Variants in SUGCT observed in about 807,000 individuals in gnomAD.
SUGCT encodes the protein succinyl-CoA:glutarate CoA-transferase.
Under a neutral mutation model 55.0 loss-of-function variants are expected in SUGCT, and 41 were observed. The ratio of observed to expected loss-of-function variants is 0.74; its 90% CI spans 0.58 to 0.97. The LOEUF is 0.97. SUGCT is among the 50% of genes least tolerant of loss of function. The probability of loss-of-function intolerance (pLI) is 0.00; values close to 1 mark genes in which losing one functional copy is unlikely to be tolerated. For missense variants in SUGCT, 568 were observed against 547.8 expected (o/e 1.04, Z -0.37); for synonymous variants, 187 against 200.4 (o/e 0.93, Z 0.56).
intron 9 of SUGCT, among the ~76,000 whole-genome samples, chr7:40,378,186 C>T (rs1784698996): frequency 6.6e-6 from 1 of 151,440 alleles, no homozygotes; most frequent in Non-Finnish European, 1.5e-5. Flanking sequence ...ACTTCTCAAT[C>T]CCCTGTCCTC....
Position 40,271,638 on chromosome 7 carries a change from A to G in SUGCT, c.577-2875A>G, listed in dbSNP as rs112991303. Among the ~76,000 whole-genome samples the G allele has an allele frequency of 6.2e-3, 942 of 152,230 alleles. 7 individuals carry two copies. Among genetic ancestry groups the G allele is most frequent in the African/African-American group, 0.021 (890 of 41,552 alleles). Reference sequence around the variant, plus strand: ...ATATAATCAGATCAGGGCTGTTGATATACCCATCATCACCTTAAATATTTA... The same window carrying G: ...ATATAATCAGATCAGGGCTGTTGATGTACCCATCATCACCTTAAATATTTA... On this transcript the variant is annotated intron_variant, in intron 7 of 13. Coordinates refer to ENST00000335693, the MANE Select transcript of SUGCT (RefSeq NM_001193313.2).
chr7:40,749,797 G>A (rs1787916812), intron 13 of SUGCT, among the ~76,000 whole-genome samples: 1 of 152,122 alleles, frequency 6.6e-6, no homozygotes, highest in African/African-American at 2.4e-5. Flanking sequence ...TTATCAACAG[G>A]TTGATAGTAA....
rs1386229829 is a variant in SUGCT, at chr7:40,562,140, A to C, written c.1089+65754A>C. 4.0e-5 allele frequency among the ~76,000 whole-genome samples: 6 copies of C among 151,732 alleles called. No homozygotes were observed. In the East Asian group the frequency reaches 1.2e-3, roughly 30 times the overall value. ...TGGTGAAACCCCGTCTCTACTAAAA[A>C]TACAAAAAATTAGCCGGGTGTGGTG... On this transcript the variant is annotated intron_variant, in intron 12 of 13. Transcript: ENST00000335693.
intron 9 of SUGCT, among the ~76,000 whole-genome samples, chr7:40,338,279 A>G (rs1397353868): frequency 1.3e-5 from 2 of 152,034 alleles, no homozygotes; most frequent in Non-Finnish European, 2.9e-5. Flanking sequence ...TATTTCCTGA[A>G]TTTGAATGTT....
chr7:41,009,089 C>A, the SUGCT span, among the ~76,000 whole-genome samples: 2 of 151,826 alleles, frequency 1.3e-5, no homozygotes, highest in Non-Finnish European at 2.9e-5. Flanking sequence ...GTGGATCATG[C>A]CTTAATCCCA....
At chr7:40,458,186 A>G (rs1047834612) in intron 10 of SUGCT, among the ~76,000 whole-genome samples, 1 of 152,256 alleles carries the variant, frequency 6.6e-6, no homozygotes, top group African/African-American at 2.4e-5. Context: ...ATTTATATTG[A>G]AAGTAAATAT....
At chr7:40,797,485 T>A (rs1421129637) in intron 13 of SUGCT, among the ~76,000 whole-genome samples, 1 of 152,186 alleles carries the variant, frequency 6.6e-6, no homozygotes, top group Non-Finnish European at 1.5e-5. Context: ...GAAATGACAG[T>A]CATCCTAGGC....
chr7:40,499,266 G>C, intron 12 of SUGCT: 1 of 301,046 alleles, frequency 3.3e-6, no homozygotes, highest in Non-Finnish European at 6.8e-6. Flanking sequence ...AACAACAAAA[G>C]CCAGGATTGG....
At chr7:40,920,994 G>T in the SUGCT span, among the ~76,000 whole-genome samples, 1 of 152,158 alleles carries the variant, frequency 6.6e-6, no homozygotes, top group Non-Finnish European at 1.5e-5. Flanking sequence ...GAAGTGGACA[G>T]GTTGGTGTTG....
intron 6 of SUGCT, among the ~76,000 whole-genome samples, chr7:40,234,666 C>T (rs1400860440): frequency 2.6e-5 from 4 of 151,994 alleles, no homozygotes; most frequent in Admixed American, 6.6e-5. Context: ...CTCAGCACTT[C>T]GGGAGACTGA....
rs137852862 is a variant in SUGCT, at chr7:40,188,569, C to T, written c.301C>T (p.Arg101Ter). The T allele has an allele frequency of 2.2e-4, 356 of 1,598,356 alleles. No homozygotes were observed. Among genetic ancestry groups the T allele is most frequent in the South Asian group, 7.2e-4 (62 of 86,366 alleles). The change falls in exon 4 of 14, where the codon CGA (arginine) becomes TGA (stop). Residue 101 changes from arginine (R) to a stop codon, truncating the protein, a stop_gained. Coordinates refer to ENST00000335693, the MANE Select transcript of SUGCT (RefSeq NM_001193313.2). LOFTEE classifies it high-confidence loss of function. Reference sequence around the variant, plus strand: ...AAGTACATATTATCTCAGTGTTAACCGAAATAAAAAAGTAAGAATATCATC... The same window carrying T: ...AAGTACATATTATCTCAGTGTTAACTGAAATAAAAAAGTAAGAATATCATC... Reference protein sequence around the residue: ...TESTYYLSVNRNKKSIAVNIK... With the variant: ...TESTYYLSVN
At chr7:40,309,505 G>A (rs1795026190) in intron 8 of SUGCT, among the ~76,000 whole-genome samples, 1 of 152,080 alleles carries the variant, frequency 6.6e-6, no homozygotes, top group African/African-American at 2.4e-5. Context: ...ATGTTGGTCA[G>A]GCTGGTCTTG....
chr7:40,934,575 G>A, the SUGCT span, among the ~76,000 whole-genome samples: 1 of 152,224 alleles, frequency 6.6e-6, no homozygotes, highest in Non-Finnish European at 1.5e-5. Flanking sequence ...AGTAGGCCTT[G>A]CTGAACTGTG....
At chr7:40,932,745 A>G in the SUGCT span, among the ~76,000 whole-genome samples, 1 of 132,656 alleles carries the variant, frequency 7.5e-6, no homozygotes, top group African/African-American at 2.9e-5. Context: ...TAGGTTTGCA[A>G]CCTCTGCTTT....
intron 12 of SUGCT, among the ~76,000 whole-genome samples, chr7:40,701,591 A>C (rs775003779): frequency 2.6e-5 from 4 of 152,258 alleles, no homozygotes; most frequent in Non-Finnish European, 2.9e-5. Flanking sequence ...AGAGAAATAC[A>C]TAGTAGTTAA....
At chr7:40,966,945 C>G in the SUGCT span, 2 of 152,182 alleles carry the variant, frequency 1.3e-5, no homozygotes, top group Non-Finnish European at 2.9e-5. Context: ...TGTATCTTAG[C>G]TCTTTGTTCA....
intron 12 of SUGCT, among the ~76,000 whole-genome samples, chr7:40,733,348 A>G (rs1487544279): frequency 6.6e-6 from 1 of 152,102 alleles, no homozygotes; most frequent in Non-Finnish European, 1.5e-5. Flanking sequence ...TATCAGTATT[A>G]TCTCCCTCAG....
intron 13 of SUGCT, among the ~76,000 whole-genome samples, chr7:40,854,563 T>C (rs987256830): frequency 1.3e-5 from 2 of 151,950 alleles, no homozygotes; most frequent in Non-Finnish European, 2.9e-5. Flanking sequence ...TCAGTACACT[T>C]ACTTAGTCTT....
At position 40,860,740 on chromosome 7, in the gene SUGCT, G is replaced by T. The variant is rs1282389570; in HGVS notation, c.*261G>T. 9.2e-6 allele frequency: 3 copies of T among 326,446 alleles called. No individual in the cohort carries two copies. Among genetic ancestry groups the T allele is most frequent in the East Asian group, 5.4e-5 (1 of 18,586 alleles). The allele number at this position is 326,446 out of a possible 1,614,324, so 20.2% of individuals were successfully genotyped here. A position where few individuals can be genotyped will look rare whatever the true frequency, so the allele number is the denominator to read the frequency against. On this transcript the variant is annotated 3_prime_UTR_variant, in exon 14 of 14. Coordinates refer to ENST00000335693, the MANE Select transcript of SUGCT (RefSeq NM_001193313.2). Reference sequence around the variant, plus strand: ...GATTTGTGGGATTTTTAAAAATAAAGTTTTAATTTTTTTCCTGGAAAAATG... The same window carrying T: ...GATTTGTGGGATTTTTAAAAATAAATTTTTAATTTTTTTCCTGGAAAAATG...
Sources: gnomAD v4.1 joint callset for allele counts (sites outside exome capture counted in the v4.1 genomes callset) on GRCh38, gnomAD v4.1.1 for gene constraint, MANE v1.5 for transcripts, NCBI Gene and HGNC (gene_info 2026-07-23, HGNC 2026-07-21) for gene names.